BPTF: variants seen among roughly 807,000 people sequenced by gnomAD.
BPTF encodes nucleosome-remodeling factor subunit BPTF.
Under a neutral mutation model 292.5 loss-of-function variants are expected in BPTF, and 18 were observed. That is an observed-to-expected ratio of 0.06 (90% CI 0.04 to 0.09). The LOEUF (loss-of-function observed/expected upper bound fraction) is 0.09. Among genes scored for constraint, BPTF ranks in the 10% least tolerant of loss-of-function variants. The pLI is 1.00. For missense variants in BPTF, 2,726 were observed against 3,498.7 expected, an observed-to-expected ratio of 0.78 and a Z score of 5.57; for synonymous variants, 1,225 against 1,251.9, an observed-to-expected ratio of 0.98 and a Z score of 0.45.
At chr17:67,949,926 GC>G (rs2066155251) in intron 23 of BPTF, among the ~76,000 whole-genome samples, 1 of 151,362 alleles carries the variant, frequency 6.6e-6, no homozygotes, top group South Asian at 2.1e-4. Flanking sequence ...GGTGGCAGGT[GC>G]CTGTAATCCC....
chr17:67,865,237 C>T lies in BPTF; in HGVS notation c.1437-1227C>T, dbSNP rs117099749. Among the ~76,000 whole-genome samples the T allele has an allele frequency of 1.1e-3, 166 of 152,324 alleles. 3 individuals are homozygous for T. In the East Asian group the frequency reaches 0.029, roughly 27 times the overall value. On this transcript the variant is annotated intron_variant, in intron 2 of 27. Transcript: ENST00000306378. The stretch of plus-strand genomic sequence containing the variant: ...AGATTTTCGGATTAAGGGAACTCCA[C>T]CCATATCCTTTTATTTATCTGTGAT...
Position 67,931,539 on chromosome 17 carries a change from TCTTC to T in BPTF, c.6151-369_6151-366del, listed in dbSNP as rs373191978. Among the ~76,000 whole-genome samples, 246 of 152,306 alleles carry T rather than the reference TCTTC, an allele frequency of 1.6e-3. 2 individuals carry two copies. The highest frequency in any genetic ancestry group is 5.7e-3 in the African/African-American group (235 of 41,576). On this transcript the variant is annotated intron_variant, in intron 17 of 27. Transcript: ENST00000306378. ...CTATGAAAGAACATTTGGTTTCTGA[TCTTC>T]CTGTTATATTCTGTGGGTTACAGGT...
At chr17:67,904,203 A>G (rs2062030035) in intron 8 of BPTF, among the ~76,000 whole-genome samples, 1 of 151,720 alleles carries the variant, frequency 6.6e-6, no homozygotes, top group African/African-American at 2.4e-5. Flanking sequence ...TAATTTTTGT[A>G]TTTTTAGTAG....
chr17:67,960,560 G>A (rs568533615), intron 24 of BPTF, among the ~76,000 whole-genome samples: 1 of 152,266 alleles, frequency 6.6e-6, no homozygotes, highest in Non-Finnish European at 1.5e-5. Flanking sequence ...CGTAAATGTA[G>A]TTTCATTTTT....
At chr17:67,901,863 A>T (rs1443157881) in intron 7 of BPTF, among the ~76,000 whole-genome samples, 1 of 152,356 alleles carries the variant, frequency 6.6e-6, no homozygotes, top group African/African-American at 2.4e-5. Flanking sequence ...GGACCCAGCC[A>T]TCCCACCACT....
At chr17:67,948,430 A>C (rs1027381454) in intron 23 of BPTF, 124 bp downstream of exon 23, 2 of 910,872 alleles carry the variant, frequency 2.2e-6, no homozygotes, top group South Asian at 3.6e-5. Flanking sequence ...ATTTGTGTAC[A>C]TAGAGTAAAA....
At position 67,825,508 on chromosome 17, in the gene BPTF, C is replaced by G. The variant is rs2055900336; in HGVS notation, c.-217C>G. 4.8e-6 allele frequency: 2 copies of G among 418,724 alleles called. No homozygotes were observed. Among genetic ancestry groups the G allele is most frequent in the Non-Finnish European group, 9.4e-6 (2 of 213,106 alleles). The allele number at this position is 418,724 out of a possible 1,614,324, so 25.9% of individuals were successfully genotyped here. ...CGGCCGCTGTCGGTTCCCCCAGTCA[C>G]CGAGCGAGAGGGAAGAAACAAGATG... is the stretch of plus-strand genomic sequence containing the variant. On this transcript the variant is annotated 5_prime_UTR_variant, in exon 1 of 28. Coordinates refer to ENST00000306378, the MANE Select transcript of BPTF (RefSeq NM_182641.4).
intron 19 of BPTF, among the ~76,000 whole-genome samples, chr17:67,943,106 C>G (rs2065514242): frequency 6.6e-6 from 1 of 152,024 alleles, no homozygotes; most frequent in Non-Finnish European, 1.5e-5. Context: ...GTGCTTACCT[C>G]TAGGGGAGAG....
Position 67,868,820 on chromosome 17 carries a change from G to A in BPTF, c.1660+2133G>A, listed in dbSNP as rs549451169. On this transcript the variant is annotated intron_variant, in intron 3 of 27. Transcript: ENST00000306378. ...CATCAATATTCCTGTGAATTCATGCGTATTTTTGGAGAATGATAGGCTCTC... is the reference window on the plus strand; with the variant it reads ...CATCAATATTCCTGTGAATTCATGCATATTTTTGGAGAATGATAGGCTCTC... Among the ~76,000 whole-genome samples, 3 of 152,222 alleles carry A rather than the reference G, an allele frequency of 2.0e-5. No homozygotes were observed. The East Asian group carries it at 5.8e-4, about 29-fold the overall frequency.
At chr17:67,954,959 G>T (rs1329515914) in intron 23 of BPTF, among the ~76,000 whole-genome samples, 3 of 152,130 alleles carry the variant, frequency 2.0e-5, no homozygotes, top group Admixed American at 2.0e-4. Flanking sequence ...TTAAACCAGG[G>T]CCATTCAGGT....
intron 7 of BPTF, among the ~76,000 whole-genome samples, chr17:67,895,911 AT>A (rs1394599405): frequency 6.6e-6 from 1 of 151,684 alleles, no homozygotes; most frequent in Non-Finnish European, 1.5e-5. Context: ...GTTCCTTATA[AT>A]ATTATTTCAT....
chr17:67,881,114 G>A (rs892362702), intron 4 of BPTF, among the ~76,000 whole-genome samples: 1 of 151,990 alleles, frequency 6.6e-6, no homozygotes, highest in Non-Finnish European at 1.5e-5. Context: ...AAAAATGATA[G>A]GAGTGAGAAC....
chr17:67,929,084 A>G, intron 16 of BPTF: 2 of 1,299,446 alleles, frequency 1.5e-6, no homozygotes, highest in East Asian at 6.5e-5. Context: ...TGCAAACAGC[A>G]AGATTGTCGC....
Position 67,932,978 on chromosome 17 carries a change from G to A in BPTF, c.6259+959G>A, listed in dbSNP as rs149943074. 2.1e-3 allele frequency among the ~76,000 whole-genome samples: 319 copies of A among 152,154 alleles called. 3 individuals are homozygous for A. Among genetic ancestry groups the A allele is most frequent in the African/African-American group, 7.3e-3 (305 of 41,536 alleles). On this transcript the variant is annotated intron_variant, in intron 18 of 27. Coordinates refer to ENST00000306378, the MANE Select transcript of BPTF (RefSeq NM_182641.4). ...TAAAGGTAAAAAAGATCAGCCAGGC[G>A]CAGTTGCTCATGCCTGTAATCCCAG...
At chr17:67,890,046 C>A (rs12452871) in intron 4 of BPTF, among the ~76,000 whole-genome samples, 1 of 152,098 alleles carries the variant, frequency 6.6e-6, no homozygotes, top group Non-Finnish European at 1.5e-5. Flanking sequence ...CCTTAAAAAT[C>A]GGGGCTGGAA....
At chr17:67,864,702 G>A (rs745682264) in intron 2 of BPTF, among the ~76,000 whole-genome samples, 7 of 152,146 alleles carry the variant, frequency 4.6e-5, no homozygotes, top group Non-Finnish European at 1.0e-4. Context: ...AGTGAATACG[G>A]TATAGGTTGA....
At position 67,922,889 on chromosome 17, in the gene BPTF, A is replaced by T; in HGVS notation, c.5607A>T (p.Pro1869=). Residue 1869 remains proline (P), a synonymous_variant, in exon 14 of 28, where the codon CCA becomes CCT. Transcript: ENST00000306378. ...RKGLRSSALR[P]KRPETPKQTG... ...GCCTTCGATCAAGTGCACTGCGGCC[A>T]AAGAGACCAGAAACGCCCAAGCAAA... The T allele has an allele frequency of 6.2e-7, 1 of 1,614,116 alleles. No individual in the cohort carries two copies. Among genetic ancestry groups the T allele is most frequent in the Non-Finnish European group, 8.5e-7 (1 of 1,180,010 alleles).
intron 1 of BPTF, among the ~76,000 whole-genome samples, chr17:67,832,526 A>AT (rs539304136): frequency 1.4e-4 from 21 of 152,236 alleles, no homozygotes; most frequent in African/African-American, 5.1e-4. Flanking sequence ...ATTTATGAAA[A>AT]TTCAGTTTTT....
intron 4 of BPTF, among the ~76,000 whole-genome samples, chr17:67,878,548 G>A (rs2060186612): frequency 6.6e-6 from 1 of 151,902 alleles, no homozygotes; most frequent in Non-Finnish European, 1.5e-5. Flanking sequence ...GCTAACACTG[G>A]GTATCATCAG....
Sources: allele counts gnomAD v4.1 joint callset (sites outside exome capture counted in the v4.1 genomes callset), GRCh38; gene constraint gnomAD v4.1.1; transcripts MANE v1.5; gene names NCBI Gene and HGNC (gene_info 2026-07-23, HGNC 2026-07-21).